The following CDH8 variants were observed in gnomAD, a reference collection of about 807,000 sequenced individuals.
The protein encoded by CDH8 is cadherin-8.
Under a neutral mutation model 68.1 loss-of-function variants are expected in CDH8, and 17 were observed. The ratio of observed to expected loss-of-function variants is 0.25; its 90% confidence interval spans 0.17 to 0.37. The LOEUF is 0.37. CDH8 is among the 10% of genes least tolerant of loss of function. CDH8 has a pLI of 1.00. For synonymous variants in CDH8, 372 were observed against 365.1 expected (o/e 1.02, Z -0.21); for missense variants, 763 against 999.3 (o/e 0.76, Z 3.19).
intron 2 of CDH8, 151 bp downstream of exon 2, chr16:62,021,001 C>T: frequency 1.5e-6 from 1 of 689,352 alleles, no homozygotes; most frequent in Non-Finnish European, 2.4e-6. Context: ...TGGGATTAAT[C>T]GTATTCCTAA....
At chr16:61,892,651 C>T (rs1237493831) in intron 3 of CDH8, among the ~76,000 whole-genome samples, 1 of 152,026 alleles carries the variant, frequency 6.6e-6, no homozygotes, top group African/African-American at 2.4e-5. Context: ...TTCCTGTCTC[C>T]ATTCTTAACT....
chr16:61,890,904 T>G (rs1271233684), intron 3 of CDH8, among the ~76,000 whole-genome samples: 1 of 152,108 alleles, frequency 6.6e-6, no homozygotes, highest in Non-Finnish European at 1.5e-5. Flanking sequence ...ACCCAGCTTA[T>G]GTTGATAATG....
At chr16:61,871,351 T>TC (rs1963358740) in intron 3 of CDH8, among the ~76,000 whole-genome samples, 1 of 151,598 alleles carries the variant, frequency 6.6e-6, no homozygotes. Context: ...GGCAGATTTT[T>TC]TTTTTTTTTT....
At chr16:61,843,374 G>A (rs573484452) in intron 4 of CDH8, among the ~76,000 whole-genome samples, 2 of 152,150 alleles carry the variant, frequency 1.3e-5, no homozygotes, top group African/African-American at 2.4e-5. Context: ...TGTATGGGTC[G>A]CTTTAAATAT....
At chr16:62,000,592 C>T (rs1378156186) in intron 2 of CDH8, among the ~76,000 whole-genome samples, 2 of 152,310 alleles carry the variant, frequency 1.3e-5, no homozygotes, top group East Asian at 1.9e-4. Context: ...AGAAATGTTA[C>T]ACAGATATCT....
rs1963347520 is a variant in CDH8, at chr16:61,652,671, G to T, written c.*937C>A. The T allele has an allele frequency of 3.4e-6, 4 of 1,164,718 alleles. No individual in the cohort carries two copies. The East Asian group carries it at 9.4e-5, about 27-fold the overall frequency. The allele number at this position is 1,164,718 out of a possible 1,614,324, so 72.1% of individuals were successfully genotyped here. ...AAAACAATCTAAAGGATTATTAATGGATATAATTTAGTTTTTTCCCATATA... is the reference window on the plus strand; with the variant it reads ...AAAACAATCTAAAGGATTATTAATGTATATAATTTAGTTTTTTCCCATATA... On this transcript the variant is annotated 3_prime_UTR_variant, in exon 12 of 12. Transcript: ENST00000577390.
intron 8 of CDH8, among the ~76,000 whole-genome samples, chr16:61,738,848 C>T (rs1286041720): frequency 6.6e-6 from 1 of 151,780 alleles, no homozygotes; most frequent in Non-Finnish European, 1.5e-5. Context: ...GCTTTTGTTT[C>T]TTTTGTTTTA....
At position 61,653,512 on chromosome 16, in the gene CDH8, C is replaced by A; in HGVS notation, c.*96G>T. On this transcript the variant is annotated 3_prime_UTR_variant, in exon 12 of 12. Coordinates refer to ENST00000577390, the MANE Select transcript of CDH8 (RefSeq NM_001796.5). ...TTATAGATGACTGGTGCTAAACTTG[C>A]CTCTAAAACAAATAGCCACATTGGT... is the stretch of plus-strand genomic sequence containing the variant. The A allele has an allele frequency of 6.6e-7, 1 of 1,506,500 alleles. No individual in the cohort carries two copies. Among genetic ancestry groups the A allele is most frequent in the Non-Finnish European group, 8.9e-7 (1 of 1,129,386 alleles). 93.3% of individuals were successfully genotyped at this position (1,506,500 alleles called of 1,614,324 possible).
chr16:61,796,229 T>C (rs1011315925), intron 7 of CDH8, among the ~76,000 whole-genome samples: 6 of 152,064 alleles, frequency 3.9e-5, no homozygotes, highest in African/African-American at 1.4e-4. Context: ...CTTTTCACAT[T>C]GAAAAGGCTA....
intron 3 of CDH8, among the ~76,000 whole-genome samples, chr16:61,897,368 T>C (rs1400952644): frequency 1.3e-5 from 2 of 152,044 alleles, no homozygotes; most frequent in Non-Finnish European, 2.9e-5. Flanking sequence ...ACCCCCTGCC[T>C]CAGCCTCCCG....
At chr16:61,695,431 C>T (rs1372560700) in intron 10 of CDH8, among the ~76,000 whole-genome samples, 1 of 152,288 alleles carries the variant, frequency 6.6e-6, no homozygotes, top group South Asian at 2.1e-4. Flanking sequence ...CTTGGGCCAC[C>T]TTTCAACTAG....
At chr16:61,882,031 A>C (rs756229925) in intron 3 of CDH8, among the ~76,000 whole-genome samples, 2 of 152,228 alleles carry the variant, frequency 1.3e-5, no homozygotes, top group Non-Finnish European at 1.5e-5. Flanking sequence ...GCAAAATCTT[A>C]GAATTAATCA....
chr16:61,659,443 G>T, intron 10 of CDH8, among the ~76,000 whole-genome samples: 1 of 152,146 alleles, frequency 6.6e-6, no homozygotes, highest in East Asian at 1.9e-4. Context: ...CTGGGGGAAA[G>T]GTGGGACGTC....
At chr16:61,795,070 C>T (rs1961465184) in intron 7 of CDH8, among the ~76,000 whole-genome samples, 2 of 151,912 alleles carry the variant, frequency 1.3e-5, no homozygotes, top group South Asian at 4.2e-4. Flanking sequence ...CCCCTCTCTT[C>T]CTACTCATTT....
intron 8 of CDH8, among the ~76,000 whole-genome samples, chr16:61,733,508 A>C (rs917037878): frequency 1.3e-5 from 2 of 152,040 alleles, no homozygotes; most frequent in African/African-American, 2.4e-5. Flanking sequence ...AAAATTAAAA[A>C]TATTTGTGTT....
At chr16:61,777,357 T>G (rs1420274425) in intron 8 of CDH8, among the ~76,000 whole-genome samples, 3 of 152,212 alleles carry the variant, frequency 2.0e-5, no homozygotes, top group African/African-American at 7.2e-5. Context: ...GCATTCATGT[T>G]TTCTGCTTAC....
chr16:61,910,128 A>G (rs912449580), intron 2 of CDH8, among the ~76,000 whole-genome samples: 2 of 152,142 alleles, frequency 1.3e-5, no homozygotes, highest in South Asian at 2.1e-4. Flanking sequence ...CCACACACAA[A>G]TGAAACCTTT....
At chr16:61,801,720 A>G (rs1041763559) in intron 7 of CDH8, among the ~76,000 whole-genome samples, 1 of 152,168 alleles carries the variant, frequency 6.6e-6, no homozygotes, top group African/African-American at 2.4e-5. Context: ...CACCTGGAAA[A>G]TCGGGTCACT....
intron 10 of CDH8, among the ~76,000 whole-genome samples, chr16:61,691,160 C>T (rs768727414): frequency 9.2e-5 from 14 of 152,080 alleles, no homozygotes; most frequent in Non-Finnish European, 1.9e-4. Flanking sequence ...CCTTCAGAAA[C>T]TGATTATCAG....
Sources: gnomAD v4.1 joint callset for allele counts (sites outside exome capture counted in the v4.1 genomes callset) on GRCh38, gnomAD v4.1.1 for gene constraint, MANE v1.5 for transcripts, NCBI Gene and HGNC (gene_info 2026-07-23, HGNC 2026-07-21) for gene names.